The following PRORP variants were observed in gnomAD, a reference collection of about 807,000 sequenced individuals.
PRORP encodes mitochondrial ribonuclease P catalytic subunit.
A neutral mutation model predicts 59.4 loss-of-function variants in PRORP; 51 were observed. The ratio of observed to expected loss-of-function variants is 0.86; its 90% confidence interval spans 0.69 to 1.08. PRORP has a LOEUF of 1.08. Among genes scored for constraint, PRORP ranks in the 50% least tolerant of loss-of-function variants. PRORP has a pLI of 0.00. For missense variants in PRORP, 646 were observed against 690.3 expected (o/e 0.94, Z 0.72); for synonymous variants, 231 against 245.6 (o/e 0.94, Z 0.55).
chr14:35,134,970 G>A lies in PRORP; in HGVS notation c.1167+7359G>A, dbSNP rs148503363. ...AACTCCAGTTTCAACCACTGGGATG[G>A]GCAATTTCCCTCTGGCTAGAGCTAG... On this transcript the variant is annotated intron_variant, in intron 4 of 7. Transcript: ENST00000534898. Among the ~76,000 whole-genome samples the A allele has an allele frequency of 5.0e-3, 767 of 152,266 alleles. 1 individual carries two copies. The highest frequency in any genetic ancestry group is 8.0e-3 in the Non-Finnish European group (543 of 68,024).
At position 35,123,564 on chromosome 14, in the gene PRORP, C is replaced by G. The variant is rs779771512; in HGVS notation, c.319C>G (p.Pro107Ala). 3 of 1,614,156 alleles carry G rather than the reference C, an allele frequency of 1.9e-6. No individual in the cohort carries two copies. In the South Asian group the frequency reaches 3.3e-5, roughly 18 times the overall value. Residue 107 changes from proline to alanine, a missense_variant, in exon 2 of 8, where the codon CCT becomes GCT. Transcript: ENST00000534898. ...TCAAACTGAAGATCATGCCTTGGCA[C>G]CTGTGAGGAACACTATTCAACTCCC... ...NSQTEDHALA[P>A]VRNTIQLPTQ...
intron 5 of PRORP, among the ~76,000 whole-genome samples, chr14:35,185,081 A>G (rs139214728): frequency 5.9e-4 from 90 of 152,214 alleles, no homozygotes; most frequent in East Asian, 1.4e-3. Context: ...TGCTTTTAGC[A>G]CTTTGAGAAA....
At chr14:35,200,146 AT>A (rs2049109836) in intron 5 of PRORP, among the ~76,000 whole-genome samples, 1 of 152,160 alleles carries the variant, frequency 6.6e-6, no homozygotes, top group Non-Finnish European at 1.5e-5. Context: ...AGCCACGACA[AT>A]TCCATGATTG....
At chr14:35,160,035 A>C (rs2138943687) in intron 4 of PRORP, among the ~76,000 whole-genome samples, 1 of 152,358 alleles carries the variant, frequency 6.6e-6, no homozygotes, top group East Asian at 1.9e-4. Flanking sequence ...ACTGTGCCAA[A>C]GTTCACAGGA....
At chr14:35,157,343 A>G (rs2047942136) in intron 4 of PRORP, among the ~76,000 whole-genome samples, 1 of 152,160 alleles carries the variant, frequency 6.6e-6, no homozygotes, top group Non-Finnish European at 1.5e-5. Flanking sequence ...TTCCCAAGTC[A>G]TTCACCATTG....
At chr14:35,174,069 C>T (rs1181918445) in intron 4 of PRORP, among the ~76,000 whole-genome samples, 2 of 152,224 alleles carry the variant, frequency 1.3e-5, no homozygotes, top group South Asian at 4.1e-4. Context: ...TATTTCCTAG[C>T]CTCAGAAATC....
At chr14:35,254,614 A>T (rs2050701769) in intron 5 of PRORP, among the ~76,000 whole-genome samples, 1 of 151,070 alleles carries the variant, frequency 6.6e-6, no homozygotes, top group Non-Finnish European at 1.5e-5. Flanking sequence ...CAGGTCTTGA[A>T]CTCCTGACCT....
At chr14:35,137,302 G>A (rs2047397689) in intron 4 of PRORP, among the ~76,000 whole-genome samples, 1 of 145,270 alleles carries the variant, frequency 6.9e-6, no homozygotes, top group African/African-American at 2.4e-5. Context: ...AGGATATGTA[G>A]GAGAGAAAAA....
In PRORP at chr14:35,127,479, T is replaced by G; in HGVS notation, c.1035T>G (p.Ser345Arg). Residue 345 changes from serine (S) to arginine (R), a missense_variant and splice_region_variant, in exon 4 of 8, where the codon AGT (serine) becomes AGG (arginine). By Grantham distance (110) the Ser-to-Arg change is moderately radical. Transcript: ENST00000534898. ...WKGQFTTVRK[S>R]GQCSGCGKTI... Reference sequence around the variant, plus strand: ...TATTATTTAACAATTATAATTACAGTGGCCAGTGTTCGGGCTGTGGAAAAA... The same window carrying G: ...TATTATTTAACAATTATAATTACAGGGGCCAGTGTTCGGGCTGTGGAAAAA... The G allele has an allele frequency of 6.4e-7, 1 of 1,570,222 alleles. No individual in the cohort carries two copies. The highest frequency in any genetic ancestry group is 8.6e-7 in the Non-Finnish European group (1 of 1,162,346).
At chr14:35,161,622 C>T (rs539193031) in intron 4 of PRORP, among the ~76,000 whole-genome samples, 1 of 151,964 alleles carries the variant, frequency 6.6e-6, no homozygotes. Flanking sequence ...AATTTGGGAG[C>T]AAGATTTTAT....
chr14:35,156,682 T>C (rs1375202740), intron 4 of PRORP, among the ~76,000 whole-genome samples: 1 of 152,224 alleles, frequency 6.6e-6, no homozygotes, highest in Non-Finnish European at 1.5e-5. Context: ...TCATGCAGTA[T>C]AAATGCTTAT....
In PRORP at chr14:35,135,016, G is replaced by T. The variant is rs185183659; in HGVS notation, c.1167+7405G>T. Among the ~76,000 whole-genome samples, 8 of 152,284 alleles carry T rather than the reference G, an allele frequency of 5.3e-5. 1 individual carries two copies. In the East Asian group the frequency reaches 1.5e-3, roughly 29 times the overall value. ...GCTAGTTTAAATGCCCCTTCTGTGG[G>T]TGGGTATCAGCTGAGTTTGTTCTAT... On this transcript the variant is annotated intron_variant, in intron 4 of 7. Coordinates refer to ENST00000534898, the MANE Select transcript of PRORP (RefSeq NM_014672.4).
At chr14:35,237,307 G>T (rs1252316697) in intron 5 of PRORP, among the ~76,000 whole-genome samples, 1 of 151,874 alleles carries the variant, frequency 6.6e-6, no homozygotes, top group Non-Finnish European at 1.5e-5. Context: ...TGCCCAGGCG[G>T]ATCTCAAACT....
At chr14:35,188,216 A>G (rs1436873032) in intron 5 of PRORP, among the ~76,000 whole-genome samples, 1 of 135,698 alleles carries the variant, frequency 7.4e-6, no homozygotes, top group Non-Finnish European at 1.6e-5. Context: ...TTTGAGACAG[A>G]GTCTCGCTCT....
intron 3 of PRORP, 45 bp downstream of exon 3, chr14:35,126,827 T>G: frequency 7.0e-7 from 1 of 1,433,782 alleles, no homozygotes; most frequent in South Asian, 1.2e-5. Flanking sequence ...TTTGGTTTAG[T>G]AGGTTTTGTT....
At chr14:35,199,402 T>C (rs2049091269) in intron 5 of PRORP, among the ~76,000 whole-genome samples, 1 of 151,968 alleles carries the variant, frequency 6.6e-6, no homozygotes, top group Non-Finnish European at 1.5e-5. Context: ...TCCACATTCA[T>C]GTTGAAACTT....
chr14:35,266,690 C>T, intron 5 of PRORP, 37 bp from the exon 6 acceptor site: 1 of 1,608,218 alleles, frequency 6.2e-7, no homozygotes, highest in Non-Finnish European at 8.5e-7. Flanking sequence ...GAGAGTCTTC[C>T]CTTGAACTTT....
chr14:35,133,650 C>T (rs1414932233), intron 4 of PRORP, among the ~76,000 whole-genome samples: 1 of 152,146 alleles, frequency 6.6e-6, no homozygotes, highest in Non-Finnish European at 1.5e-5. Flanking sequence ...AGAAGGCTTT[C>T]CAGATACTTA....
chr14:35,230,926 A>G (rs893348877), intron 5 of PRORP, among the ~76,000 whole-genome samples: 2 of 141,744 alleles, frequency 1.4e-5, no homozygotes, highest in Non-Finnish European at 3.0e-5. Context: ...CTGTGTAAAG[A>G]CAGGAAAAGA....
Sources: gnomAD v4.1 joint callset for allele counts (sites outside exome capture counted in the v4.1 genomes callset) on GRCh38, gnomAD v4.1.1 for gene constraint, MANE v1.5 for transcripts, NCBI Gene and HGNC (gene_info 2026-07-23, HGNC 2026-07-21) for gene names.